The following TOPAZ1 variants were observed in gnomAD, a reference collection of about 807,000 sequenced individuals.
The protein encoded by TOPAZ1 is testis and ovary specific TOPAZ 1.
Under a neutral mutation model 172.2 loss-of-function variants are expected in TOPAZ1, and 66 were observed. That is an observed-to-expected ratio of 0.38 (90% CI 0.31 to 0.47). The LOEUF (loss-of-function observed/expected upper bound fraction) is 0.47, where lower values mean the gene tolerates loss of function less well. TOPAZ1 is among the 20% of genes least tolerant of loss of function. The pLI is 0.99. For missense variants in TOPAZ1, 1,822 were observed against 1,972.4 expected (o/e 0.92, Z 1.44); for synonymous variants, 681 against 683.9 (o/e 1.00, Z 0.07).
chr3:44,256,234 G>T lies in TOPAZ1; in HGVS notation c.2911G>T (p.Gly971Ter). 1 of 1,535,536 alleles carries T rather than the reference G, an allele frequency of 6.5e-7. No individual in the cohort carries two copies. The highest frequency in any genetic ancestry group is 8.8e-7 in the Non-Finnish European group (1 of 1,142,392). Residue 971 changes from glycine (G) to a stop codon, truncating the protein, a stop_gained, in exon 4 of 20, where the codon GGA (glycine) becomes TGA (stop). Coordinates refer to ENST00000309765, the MANE Select transcript of TOPAZ1 (RefSeq NM_001145030.2). LOFTEE classifies it high-confidence loss of function. ...TGAGACCTCTGAAAATGAAACACTG[G>T]GAGACTTCAGTGAACAAATAAAAGG... ...ANETSENETL[G>*]DFSEQIKGSD...
Position 44,244,986 on chromosome 3 carries a change from A to T in TOPAZ1, c.2480A>T (p.Glu827Val), listed in dbSNP as rs1699545269. ...KSPSFCCNEQ[E>V]TFRPVSSEVR... is the part of the protein sequence containing the mutation. ...CCTTCCTTCTGCTGTAATGAACAAG[A>T]AACATTCCGACCAGTGTCCAGTGAA... is the stretch of plus-strand genomic sequence containing the variant. The change falls in exon 2 of 20, where the codon GAA becomes GTA. Residue 827 changes from glutamate (E) to valine (V), a missense_variant. By Grantham distance (121) the Glu-to-Val change is moderately radical (BLOSUM62 -2). This residue lies in a region of TOPAZ1 where 1,489 missense variants were observed against 1,490.8 expected (regional missense o/e 1.00). Transcript: ENST00000309765. 6.4e-7 allele frequency: 1 copy of T among 1,551,618 alleles called. No individual in the cohort carries two copies. Among genetic ancestry groups the T allele is most frequent in the African/African-American group, 1.4e-5 (1 of 73,050 alleles).
Position 44,242,952 on chromosome 3 carries a change from A to G in TOPAZ1, c.446A>G (p.Gln149Arg), listed in dbSNP as rs774478118. Residue 149 changes from glutamine (Q) to arginine (R), a missense_variant, in exon 2 of 20, where the codon CAA (glutamine) becomes CGA (arginine). By Grantham distance (43) the Gln-to-Arg change is conservative (BLOSUM62 1). This residue lies in a region of TOPAZ1 where 1,489 missense variants were observed against 1,490.8 expected (regional missense o/e 1.00). Transcript: ENST00000309765. Reference sequence around the variant, plus strand: ...TCATTAACCAGTTCGGAATCTTTCCAAACAGTGGAATGCTTGCAGTCTTTG... The same window carrying G: ...TCATTAACCAGTTCGGAATCTTTCCGAACAGTGGAATGCTTGCAGTCTTTG... ...KESLTSSESF[Q>R]TVECLQSLGK... The G allele has an allele frequency of 1.9e-6, 3 of 1,550,820 alleles. No homozygotes were observed. The highest frequency in any genetic ancestry group is 2.0e-5 in the Admixed American group (1 of 50,916).
At position 44,287,520 on chromosome 3, in the gene TOPAZ1, A is replaced by G. The variant is rs1700093428; in HGVS notation, c.3568A>G (p.Ser1190Gly). Residue 1190 changes from serine (S) to glycine (G), a missense_variant, in exon 10 of 20, where the codon AGC becomes GGC. Around this residue, in one of 2 missense-constraint regions of TOPAZ1, gnomAD observed 1,489 missense variants for 1,490.8 expected, o/e 1.00. Transcript: ENST00000309765. ...AGAAGTATTTCAGATAGTGAACCTC[A>G]GCATAATGGTTAAAATGCTGGTAAG... ...LKEVFQIVNL[S>G]IMVKMLPSLK... is the part of the protein sequence containing the mutation. 1 of 1,503,886 alleles carries G rather than the reference A, an allele frequency of 6.6e-7. No homozygotes were observed. Among genetic ancestry groups the G allele is most frequent in the African/African-American group, 1.4e-5 (1 of 70,986 alleles). 93.2% of individuals were successfully genotyped at this position (1,503,886 alleles called of 1,614,324 possible). A position where few individuals can be genotyped will look rare whatever the true frequency, so the allele number is the denominator to read the frequency against.
At position 44,308,644 on chromosome 3, in the gene TOPAZ1, ACT is replaced by A. The variant is rs1447294123; in HGVS notation, c.4141-1180_4141-1179del. On this transcript the variant is annotated intron_variant, in intron 15 of 19. Coordinates refer to ENST00000309765, the MANE Select transcript of TOPAZ1 (RefSeq NM_001145030.2). ...CAAATTTAATAAAAGAGAAACTCAGACTGATTTTGCTGAAATTTTAGAGTATA... is the reference window on the plus strand; with the variant it reads ...CAAATTTAATAAAAGAGAAACTCAGAGATTTTGCTGAAATTTTAGAGTATA... 9.6e-4 allele frequency among the ~76,000 whole-genome samples: 146 copies of A among 152,196 alleles called. 1 individual carries two copies. The highest frequency in any genetic ancestry group is 3.4e-3 in the African/African-American group (141 of 41,510).
At chr3:44,264,311 T>A (rs555922016) in intron 5 of TOPAZ1, among the ~76,000 whole-genome samples, 1 of 149,842 alleles carries the variant, frequency 6.7e-6, no homozygotes, top group East Asian at 1.9e-4. Context: ...AGACTACTGC[T>A]GTAAAGCAAA....
chr3:44,271,548 C>T (rs1262559592), intron 8 of TOPAZ1, among the ~76,000 whole-genome samples: 1 of 151,920 alleles, frequency 6.6e-6, no homozygotes, highest in Non-Finnish European at 1.5e-5. Flanking sequence ...GTATGTATAT[C>T]TATATATATA....
chr3:44,313,330 G>A (rs1031875261), intron 16 of TOPAZ1, among the ~76,000 whole-genome samples: 5 of 152,024 alleles, frequency 3.3e-5, no homozygotes, highest in Non-Finnish European at 7.4e-5. Context: ...AGCTCCCCCG[G>A]GCCAGGTGCG....
intron 16 of TOPAZ1, among the ~76,000 whole-genome samples, chr3:44,319,717 C>T (rs1700488976): frequency 6.6e-6 from 1 of 152,086 alleles, no homozygotes; most frequent in African/African-American, 2.4e-5. Context: ...TAGAACATTC[C>T]TAACACATAG....
intron 8 of TOPAZ1, among the ~76,000 whole-genome samples, chr3:44,279,474 T>C (rs1350757275): frequency 6.6e-6 from 1 of 152,188 alleles, no homozygotes; most frequent in Non-Finnish European, 1.5e-5. Flanking sequence ...TGTAATAATA[T>C]ATGCTTTATG....
At position 44,306,288 on chromosome 3, in the gene TOPAZ1, C is replaced by CT. The variant is rs1287651317; in HGVS notation, c.4040-37dup. The CT allele has an allele frequency of 3.1e-6, 4 of 1,310,454 alleles. No individual in the cohort carries two copies. The African/African-American group carries it at 5.8e-5, about 19-fold the overall frequency. 81.2% of individuals were successfully genotyped at this position (1,310,454 alleles called of 1,614,324 possible). On this transcript the variant is annotated intron_variant, in intron 14 of 19. Coordinates refer to ENST00000309765, the MANE Select transcript of TOPAZ1 (RefSeq NM_001145030.2). ...TTGCCTCTTCCATCATTTTAAGTGA[C>CT]TATTTTATTTTCTTTTGTATGCCTA... is the stretch of plus-strand genomic sequence containing the variant.
At chr3:44,292,868 TTC>T (rs1700153224) in intron 12 of TOPAZ1, among the ~76,000 whole-genome samples, 1 of 152,224 alleles carries the variant, frequency 6.6e-6, no homozygotes, top group South Asian at 2.1e-4. Flanking sequence ...CTATTGTGCT[TTC>T]AAACACAAGC....
In TOPAZ1 at chr3:44,242,121, A is replaced by G; in HGVS notation, c.68A>G (p.Gln23Arg). Reference protein sequence around the residue: ...SGPEGNVRNLQKRQAPGPGAA... With the variant: ...SGPEGNVRNLRKRQAPGPGAA... The stretch of plus-strand genomic sequence containing the variant: ...CCTGAAGGCAATGTGCGAAACCTGC[A>G]GAAGCGGCAGGCGCCAGGGCCAGGC... The change falls in exon 1 of 20, where the codon CAG (glutamine) becomes CGG (arginine). Residue 23 changes from glutamine (Q) to arginine (R), a missense_variant. By Grantham distance (43) the Gln-to-Arg change is conservative. Coordinates refer to ENST00000309765, the MANE Select transcript of TOPAZ1 (RefSeq NM_001145030.2). 4 of 1,548,962 alleles carry G rather than the reference A, an allele frequency of 2.6e-6. No homozygotes were observed. The highest frequency in any genetic ancestry group is 3.5e-6 in the Non-Finnish European group (4 of 1,146,502).
At chr3:44,323,901 C>T (rs1700568472) in intron 18 of TOPAZ1, among the ~76,000 whole-genome samples, 1 of 152,184 alleles carries the variant, frequency 6.6e-6, no homozygotes, top group Non-Finnish European at 1.5e-5. Context: ...CATGTACGTT[C>T]TAGATCTAGA....
intron 8 of TOPAZ1, among the ~76,000 whole-genome samples, chr3:44,280,332 C>CTTTCT (rs1700009121): frequency 8.9e-6 from 1 of 112,942 alleles, no homozygotes; most frequent in Admixed American, 9.3e-5. Flanking sequence ...CTTTCCTTTT[C>CTTTCT]TTTCTTTTCT....
In TOPAZ1 at chr3:44,274,561, A is replaced by ATT. The variant is rs34971677; in HGVS notation, c.3372+3765_3372+3766dup. ...GCACAAAATGGAAGTAAAGCCTTAA[A>ATT]TTTTTTTTTTTTTTTGAGATGGATT... On this transcript the variant is annotated intron_variant, in intron 8 of 19. Coordinates refer to ENST00000309765, the MANE Select transcript of TOPAZ1 (RefSeq NM_001145030.2). 1.7e-3 allele frequency among the ~76,000 whole-genome samples: 251 copies of ATT among 144,364 alleles called. 1 individual carries two copies. The highest frequency in any genetic ancestry group is 3.5e-3 in the South Asian group (16 of 4,516). 94.7% of individuals were successfully genotyped at this position (144,364 alleles called of 152,430 possible). A position where few individuals can be genotyped will look rare whatever the true frequency, so the allele number is the denominator to read the frequency against.
At chr3:44,287,696 G>T in intron 10 of TOPAZ1, 51 bp from the exon 11 acceptor site, 1 of 1,100,506 alleles carries the variant, frequency 9.1e-7, no homozygotes, top group Non-Finnish European at 1.3e-6. Flanking sequence ...GAAATTTAAG[G>T]TGTACTAAAA....
chr3:44,331,817 A>C lies in TOPAZ1; in HGVS notation c.4885A>C (p.Asn1629His). The change falls in exon 20 of 20, where the codon AAT becomes CAT. Residue 1629 changes from asparagine (N) to histidine (H), a missense_variant. Coordinates refer to ENST00000309765, the MANE Select transcript of TOPAZ1 (RefSeq NM_001145030.2). ...GTGTGAAGACAACCAGTCTCGGAGC[A>C]ATGATGATTATCAAGCTGCAGTAGA... ...KRCEDNQSRSNDDYQAAVERL... is the reference protein window; with the variant it reads ...KRCEDNQSRSHDDYQAAVERL... 1 of 1,552,058 alleles carries C rather than the reference A, an allele frequency of 6.4e-7. No individual in the cohort carries two copies. Among genetic ancestry groups the C allele is most frequent in the Non-Finnish European group, 8.7e-7 (1 of 1,147,044 alleles).
intron 17 of TOPAZ1, among the ~76,000 whole-genome samples, chr3:44,322,561 C>T (rs1043126824): frequency 1.3e-5 from 2 of 152,088 alleles, no homozygotes; most frequent in Non-Finnish European, 2.9e-5. Context: ...TCGTTTCTGA[C>T]TTAGAGAATA....
chr3:44,313,611 C>CT lies in TOPAZ1; in HGVS notation c.4306+3622dup, dbSNP rs1463042369. ...CAGCCTGGGGCAACAAAGCGAGACT[C>CT]TGTCTCAAAAAAAAAAAAAAAAAGC... On this transcript the variant is annotated intron_variant, in intron 16 of 19. Transcript: ENST00000309765. 7.0e-5 allele frequency among the ~76,000 whole-genome samples: 9 copies of CT among 129,360 alleles called. No individual in the cohort carries two copies. The Admixed American group carries it at 7.0e-4, about 10-fold the overall frequency. The allele number at this position is 129,360 out of a possible 152,430, so 84.9% of individuals were successfully genotyped here. A position where few individuals can be genotyped will look rare whatever the true frequency, so the allele number is the denominator to read the frequency against.
Sources: gnomAD v4.1 joint callset for allele counts (sites outside exome capture counted in the v4.1 genomes callset) on GRCh38, gnomAD v4.1.1 for gene constraint, gnomAD v4.1.1 regional missense constraint, MANE v1.5 for transcripts, NCBI Gene and HGNC (gene_info 2026-07-23, HGNC 2026-07-21) for gene names.